MIAT: variants seen among roughly 807,000 people sequenced by gnomAD.
The protein encoded by MIAT is myocardial infarction associated transcript, also known as MI related novel mRNA.
exon 5 of MIAT, chr22:26,676,183 C>T (rs1045363): frequency 0.2 from 75,005 of 368,712 alleles, 7,591 homozygotes; most frequent in South Asian, 0.34. Context: ...ACATGTTGAG[C>T]TGGGGGGATG....
downstream of MIAT, chr22:26,673,942 A>T: frequency 2.5e-6 from 1 of 398,690 alleles, no homozygotes; most frequent in Non-Finnish European, 4.4e-6. Context: ...AGTTCTTAAA[A>T]AAATATAGCC....
At chr22:26,651,918 G>A (rs376937054) in intron 2 of MIAT, among the ~76,000 whole-genome samples, 33 of 152,342 alleles carry the variant, frequency 2.2e-4, no homozygotes, top group African/African-American at 7.7e-4. Context: ...ATTACATCGT[G>A]AATGTACTCA....
In MIAT at chr22:26,661,275, T is replaced by C. The variant is rs570128245; in HGVS notation, n.647-2041T>C. Among the ~76,000 whole-genome samples, 3 of 152,266 alleles carry C rather than the reference T, an allele frequency of 2.0e-5. No homozygotes were observed. In the East Asian group the frequency reaches 5.8e-4, roughly 29 times the overall value. ...TGTCAGCTTGAGCTCCGAGGAACAATAGCCAGAGATTCTCAAGAGCAGAGG... is the reference window on the plus strand; with the variant it reads ...TGTCAGCTTGAGCTCCGAGGAACAACAGCCAGAGATTCTCAAGAGCAGAGG... On this transcript the variant is annotated intron_variant and non_coding_transcript_variant, in intron 2 of 5. Coordinates refer to ENST00000643270, the Ensembl canonical transcript of MIAT.
At chr22:26,670,602 TAA>T (rs34401113), downstream of MIAT, 2,231 of 303,508 alleles carry the variant, frequency 7.4e-3, no homozygotes, top group Middle Eastern at 9.0e-3. Flanking sequence ...CATTGCTCCT[TAA>T]AAAAAAAAAA....
chr22:26,673,990 T>C (rs1355518161), downstream of MIAT: 3 of 398,580 alleles, frequency 7.5e-6, no homozygotes, highest in Non-Finnish European at 1.3e-5. Flanking sequence ...GATGCAGCTC[T>C]TATAAACCTT....
intron 2 of MIAT, chr22:26,647,374 GGAGAGAGAGAGAGAGAGAGAGAGA>G (rs55740419): frequency 2.0e-4 from 26 of 126,978 alleles, no homozygotes; most frequent in South Asian, 1.6e-3. Flanking sequence ...CGTGGGGGGT[GGAGAGAGAGAGAGAGAGAGAGAGA>G]GAGAGAGAGA....
chr22:26,670,660 A>C (rs77966004), downstream of MIAT: 558 of 397,302 alleles, frequency 1.4e-3, 1 homozygote, highest in African/African-American at 0.011. Context: ...TGCACTACTG[A>C]AGTAGTGCAG....
chr22:26,669,874 C>T, downstream of MIAT: 1 of 398,698 alleles, frequency 2.5e-6, no homozygotes, highest in East Asian at 3.6e-5. Context: ...GCCTGGGCTA[C>T]AACCCTGGGC....
chr22:26,652,715 C>T (rs1052900078), intron 2 of MIAT, among the ~76,000 whole-genome samples: 2 of 152,030 alleles, frequency 1.3e-5, no homozygotes, highest in African/African-American at 4.8e-5. Flanking sequence ...CAATGGGAAC[C>T]CTGGCCTCCA....
At chr22:26,648,116 G>A (rs374417638) in intron 2 of MIAT, among the ~76,000 whole-genome samples, 3 of 152,168 alleles carry the variant, frequency 2.0e-5, no homozygotes, top group South Asian at 2.1e-4. Flanking sequence ...TGGCGGCTGC[G>A]GTCTGCACCT....
chr22:26,675,130 G>A (rs2146023796), exon 5 of MIAT: 2 of 398,836 alleles, frequency 5.0e-6, no homozygotes, highest in East Asian at 7.1e-5. Flanking sequence ...GGGGTGGAAT[G>A]GGGACAGAGA....
intron 2 of MIAT, among the ~76,000 whole-genome samples, chr22:26,652,573 G>A (rs1222284355): frequency 6.6e-6 from 1 of 152,066 alleles, no homozygotes; most frequent in Non-Finnish European, 1.5e-5. Flanking sequence ...GGTCAGGCTG[G>A]TCTCAAACTC....
At chr22:26,667,435 T>C (rs911055566) in intron 5 of MIAT, 46 of 391,444 alleles carry the variant, frequency 1.2e-4, no homozygotes, top group African/African-American at 2.5e-4. Context: ...TATGCGCGCG[T>C]GTGTGTGTAT....
exon 4 of MIAT, chr22:26,666,729 G>A (rs905188353): frequency 7.5e-6 from 3 of 398,612 alleles, no homozygotes; most frequent in Non-Finnish European, 1.3e-5. Flanking sequence ...GGAGGGTGGG[G>A]TGCCTGGGCC....
At chr22:26,656,945 G>T (rs1340948239) in intron 2 of MIAT, among the ~76,000 whole-genome samples, 1 of 152,194 alleles carries the variant, frequency 6.6e-6, no homozygotes, top group Non-Finnish European at 1.5e-5. Flanking sequence ...AAAAATTCAA[G>T]ATTAAACCTA....
chr22:26,647,636 G>A (rs1300889835), intron 2 of MIAT, among the ~76,000 whole-genome samples: 2 of 152,260 alleles, frequency 1.3e-5, no homozygotes, highest in East Asian at 3.9e-4. Context: ...GCCATGGCAG[G>A]GTAAGGCTGC....
At chr22:26,661,901 TGGATCTATATAGATCC>T (rs1236633775) in intron 2 of MIAT, among the ~76,000 whole-genome samples, 9 of 142,994 alleles carry the variant, frequency 6.3e-5, no homozygotes, top group East Asian at 2.1e-4. Flanking sequence ...CATATATATA[TGGATCTATATAGATCC>T]ATATATATAT....
exon 1 of MIAT, chr22:26,646,683 A>G (rs763204280): frequency 4.5e-5 from 18 of 398,542 alleles, no homozygotes; most frequent in African/African-American, 1.0e-4. Context: ...CTGGACTGTT[A>G]ATAGCTATTG....
At chr22:26,674,563 G>T (rs1353462506), downstream of MIAT, 4 of 398,638 alleles carry the variant, frequency 1.0e-5, no homozygotes, top group Non-Finnish European at 1.8e-5. Flanking sequence ...GGCAACTGTG[G>T]ACTCAGAGCT....
Sources: gnomAD v4.1 joint callset for allele counts (sites outside exome capture counted in the v4.1 genomes callset) on GRCh38, gnomAD v4.1.1 for gene constraint, MANE v1.5 for transcripts, NCBI Gene and HGNC (gene_info 2026-07-23, HGNC 2026-07-21) for gene names.